Variants in BCAS3 observed in about 807,000 individuals in gnomAD.
BCAS3 encodes BCAS3 microtubule associated cell migration factor, also known as BCAS4/BCAS3 fusion.
A neutral mutation model predicts 116.1 loss-of-function variants in BCAS3; 53 were observed. The observed-to-expected ratio is 0.46, with a 90% confidence interval of 0.37 to 0.57. The LOEUF (loss-of-function observed/expected upper bound fraction) is 0.57, where lower values mean the gene tolerates loss of function less well. Ranked by LOEUF, BCAS3 falls within the 20% of genes least tolerant of loss-of-function variation. The pLI is 0.00. For synonymous variants in BCAS3, 391 were observed against 408.2 expected (o/e 0.96, Z 0.51); for missense variants, 917 against 1,165.4 (o/e 0.79, Z 3.10).
chr17:61,038,669 T>G lies in BCAS3; in HGVS notation c.1928+615T>G, dbSNP rs913732245. On this transcript the variant is annotated intron_variant, in intron 18 of 23. Coordinates refer to ENST00000407086, the MANE Select transcript of BCAS3 (RefSeq NM_017679.5). ...TTTTTTTGTTTTGTTTTTGTTTTTG[T>G]TTTTTTTTTTTTTTTTTTGGAGACA... Among the ~76,000 whole-genome samples, 72 of 127,878 alleles carry G rather than the reference T, an allele frequency of 5.6e-4. 3 individuals carry two copies. In the East Asian group the frequency reaches 0.01, roughly 18 times the overall value. 83.9% of individuals were successfully genotyped at this position (127,878 alleles called of 152,430 possible). A position where few individuals can be genotyped will look rare whatever the true frequency, so the allele number is the denominator to read the frequency against.
At chr17:60,724,338 G>A (rs1268988109) in intron 5 of BCAS3, among the ~76,000 whole-genome samples, 8 of 149,244 alleles carry the variant, frequency 5.4e-5, no homozygotes, top group Non-Finnish European at 1.2e-4. Flanking sequence ...CGTGGGAATT[G>A]CTTGAACCCG....
At chr17:61,305,667 G>A (rs550166108) in intron 22 of BCAS3, among the ~76,000 whole-genome samples, 1 of 152,264 alleles carries the variant, frequency 6.6e-6, no homozygotes, top group South Asian at 2.1e-4. Flanking sequence ...AGGCTGAGGC[G>A]GGCGGATCAC....
At chr17:61,127,720 A>G (rs567978097) in intron 22 of BCAS3, among the ~76,000 whole-genome samples, 9 of 148,968 alleles carry the variant, frequency 6.0e-5, no homozygotes, top group Admixed American at 4.8e-4. Context: ...CCAAACTTCA[A>G]TAATGTCTGT....
At chr17:61,236,684 A>G (rs973298543) in intron 22 of BCAS3, among the ~76,000 whole-genome samples, 1 of 152,192 alleles carries the variant, frequency 6.6e-6, no homozygotes, top group African/African-American at 2.4e-5. Flanking sequence ...TTATATACAA[A>G]TGGCTATAAA....
At chr17:60,741,799 C>A (rs970888918) in intron 5 of BCAS3, among the ~76,000 whole-genome samples, 1 of 152,102 alleles carries the variant, frequency 6.6e-6, no homozygotes, top group Non-Finnish European at 1.5e-5. Context: ...AAAATTAAAT[C>A]TACAAAAGAT....
chr17:61,205,456 T>G lies in BCAS3; in HGVS notation c.2425+120892T>G, dbSNP rs2081066043. Among the ~76,000 whole-genome samples the G allele has an allele frequency of 6.6e-6, 1 of 152,220 alleles. No homozygotes were observed. Among genetic ancestry groups the G allele is most frequent in the African/African-American group, 2.4e-5 (1 of 41,454 alleles). The stretch of plus-strand genomic sequence containing the variant: ...CAAGAAAGATAGCTGTTGAGAGAGC[T>G]AATATCAAGGAAATGGCAAACAAAC... On this transcript the variant is annotated intron_variant, in intron 22 of 23. Coordinates refer to ENST00000407086, the MANE Select transcript of BCAS3 (RefSeq NM_017679.5). The surrounding 1 kb of genome is among the most constrained non-coding windows in gnomAD (Gnocchi z 5.2).
At chr17:61,060,403 G>A (rs1244436448) in intron 19 of BCAS3, among the ~76,000 whole-genome samples, 2 of 151,886 alleles carry the variant, frequency 1.3e-5, no homozygotes, top group East Asian at 1.9e-4. Flanking sequence ...CCAGAGTGCT[G>A]GGATTACAGG....
In BCAS3 at chr17:61,222,472, A is replaced by G. The variant is rs1050090595; in HGVS notation, c.2425+137908A>G. 1.3e-5 allele frequency among the ~76,000 whole-genome samples: 2 copies of G among 152,212 alleles called. No individual in the cohort carries two copies. The highest frequency in any genetic ancestry group is 4.8e-5 in the African/African-American group (2 of 41,450). ...TTCTGTAAGTCTACTTAAAAAGAAA[A>G]GGACTCGTAGCATTCCTCTTTTCGC... On this transcript the variant is annotated intron_variant, in intron 22 of 23. Coordinates refer to ENST00000407086, the MANE Select transcript of BCAS3 (RefSeq NM_017679.5). This position sits in a 1 kb window ranked among gnomAD's most constrained non-coding sequence, Gnocchi z 6.1.
At chr17:60,843,427 C>G (rs902331832) in intron 7 of BCAS3, among the ~76,000 whole-genome samples, 18 of 152,062 alleles carry the variant, frequency 1.2e-4, no homozygotes, top group South Asian at 2.1e-4. Context: ...CCATATTGGT[C>G]AGGCTGATCT....
chr17:60,738,471 A>G (rs1275267864), intron 5 of BCAS3, among the ~76,000 whole-genome samples: 4 of 152,044 alleles, frequency 2.6e-5, no homozygotes, highest in Non-Finnish European at 5.9e-5. Flanking sequence ...TTCCCTGACA[A>G]GTTTCTTTGC....
At chr17:60,900,591 C>T (rs900061093) in intron 10 of BCAS3, among the ~76,000 whole-genome samples, 23 of 152,120 alleles carry the variant, frequency 1.5e-4, no homozygotes, top group Non-Finnish European at 5.9e-5. Flanking sequence ...ATTCTCTATG[C>T]ACTATTTTGG....
rs192056704 is a variant in BCAS3, at chr17:61,004,807, G to A, written c.1487-10944G>A. 6.6e-6 allele frequency among the ~76,000 whole-genome samples: 1 copy of A among 152,130 alleles called. No individual in the cohort carries two copies. Among genetic ancestry groups the A allele is most frequent in the Admixed American group, 6.6e-5 (1 of 15,254 alleles). ...AGAGGGAAATTACTATTTCAGAATG[G>A]ACCAAGGTGGAATTAACATGGGCAC... On this transcript the variant is annotated intron_variant, in intron 15 of 23. Coordinates refer to ENST00000407086, the MANE Select transcript of BCAS3 (RefSeq NM_017679.5). The surrounding 1 kb of genome is among the most constrained non-coding windows in gnomAD (Gnocchi z 4.8).
chr17:61,044,383 C>T (rs1391984648), intron 19 of BCAS3, among the ~76,000 whole-genome samples: 5 of 148,312 alleles, frequency 3.4e-5, no homozygotes, highest in African/African-American at 1.3e-4. Context: ...GGAGGCGGAG[C>T]TCACAGTGAG....
chr17:60,985,654 C>T (rs2063096314), intron 14 of BCAS3, among the ~76,000 whole-genome samples: 1 of 152,110 alleles, frequency 6.6e-6, no homozygotes. Flanking sequence ...GCCATCCCTA[C>T]TCCCCCCTCC....
At chr17:60,698,132 C>T (rs535307760) in intron 4 of BCAS3, among the ~76,000 whole-genome samples, 1 of 138,128 alleles carries the variant, frequency 7.2e-6, no homozygotes, top group East Asian at 2.1e-4. Context: ...TGAGCTGAGC[C>T]GAGATTGCAC....
chr17:61,339,870 C>G lies in BCAS3; in HGVS notation c.2426-28457C>G, dbSNP rs954260019. Among the ~76,000 whole-genome samples the G allele has an allele frequency of 6.6e-6, 1 of 151,896 alleles. No individual in the cohort carries two copies. The highest frequency in any genetic ancestry group is 6.6e-5 in the Admixed American group (1 of 15,256). On this transcript the variant is annotated intron_variant, in intron 22 of 23. Transcript: ENST00000407086. The surrounding 1 kb of genome is among the most constrained non-coding windows in gnomAD (Gnocchi z 4.4). Reference sequence around the variant, plus strand: ...GGAAAACCAGGTGAGTGTGCTGTCCCGAAAGCCAAGTAGAGAGAGGGTCAA... The same window carrying G: ...GGAAAACCAGGTGAGTGTGCTGTCCGGAAAGCCAAGTAGAGAGAGGGTCAA...
chr17:60,762,381 G>T (rs2043628722), intron 6 of BCAS3, among the ~76,000 whole-genome samples: 1 of 152,192 alleles, frequency 6.6e-6, no homozygotes, highest in Admixed American at 6.5e-5. Context: ...TTTGTGTAAA[G>T]TGTAAGGAAG....
At chr17:61,075,744 G>A (rs1453972506) in intron 20 of BCAS3, among the ~76,000 whole-genome samples, 3 of 152,140 alleles carry the variant, frequency 2.0e-5, no homozygotes, top group Non-Finnish European at 2.9e-5. Context: ...AACATTTTCC[G>A]AAGATTGAGT....
At position 61,282,916 on chromosome 17, in the gene BCAS3, A is replaced by G. The variant is rs1453614362; in HGVS notation, c.2426-85411A>G. 6.6e-6 allele frequency among the ~76,000 whole-genome samples: 1 copy of G among 150,708 alleles called. No homozygotes were observed. Among genetic ancestry groups the G allele is most frequent in the Non-Finnish European group, 1.5e-5 (1 of 67,758 alleles). On this transcript the variant is annotated intron_variant, in intron 22 of 23. Coordinates refer to ENST00000407086, the MANE Select transcript of BCAS3 (RefSeq NM_017679.5). The surrounding 1 kb of genome is among the most constrained non-coding windows in gnomAD (Gnocchi z 5.9). Reference sequence around the variant, plus strand: ...AGGGGAGAAATCACAGTAAAAATATATATTTTCAATATATTTGTATATTAT... The same window carrying G: ...AGGGGAGAAATCACAGTAAAAATATGTATTTTCAATATATTTGTATATTAT...
Sources: gnomAD v4.1 joint callset for allele counts (sites outside exome capture counted in the v4.1 genomes callset) on GRCh38, gnomAD v4.1.1 for gene constraint, Gnocchi (gnomAD v3.1) non-coding constraint, MANE v1.5 for transcripts, NCBI Gene and HGNC (gene_info 2026-07-23, HGNC 2026-07-21) for gene names.